ADH1B: variants seen among roughly 807,000 people sequenced by gnomAD.
ADH1B encodes the protein alcohol dehydrogenase 1B (class I), beta polypeptide.
ADH1B carries 29 observed loss-of-function variants against 34.6 expected under a neutral mutation model. The observed-to-expected ratio is 0.84, with a 90% CI of 0.62 to 1.14. The LOEUF is 1.14. ADH1B is among the 50% of genes most tolerant of loss of function. ADH1B has a pLI of 0.00. For synonymous variants in ADH1B, 170 were observed against 175.5 expected (o/e 0.97, Z 0.25); for missense variants, 424 against 468.4 (o/e 0.91, Z 0.87).
chr4:99,315,916 A>C lies in ADH1B; in HGVS notation c.549T>G (p.Ser183=). Residue 183 remains serine, a synonymous_variant, in exon 5 of 9, where the codon TCT becomes TCG. Transcript: ENST00000305046. ...IGCGFSTGYG[S]AVNVAKVTPG... is the part of the protein sequence containing the mutation. The stretch of plus-strand genomic sequence containing the variant: ...TTCTCACCTTGGCAACGTTAACTGC[A>C]GACCCATAACCAGTCGAGAATCCAC... 3 of 1,614,256 alleles carry C rather than the reference A, an allele frequency of 1.9e-6. No homozygotes were observed. The highest frequency in any genetic ancestry group is 2.5e-6 in the Non-Finnish European group (3 of 1,180,042).
At position 99,307,229 on chromosome 4, in the gene ADH1B, T is replaced by C. The variant is rs1450195302; in HGVS notation, c.*611A>G. On this transcript the variant is annotated 3_prime_UTR_variant, in exon 9 of 9. Transcript: ENST00000305046. ...CCATAAAGAAATAGTATAAAAGTCA[T>C]AAAAACACTGCCATTTACTGTAGTA... 6.6e-6 allele frequency: 1 copy of C among 152,444 alleles called. No individual in the cohort carries two copies. The highest frequency in any genetic ancestry group is 6.5e-5 in the Admixed American group (1 of 15,284). 9.4% of individuals were successfully genotyped at this position (152,444 alleles called of 1,614,324 possible). A position where few individuals can be genotyped will look rare whatever the true frequency, so the allele number is the denominator to read the frequency against.
chr4:99,316,223 C>G lies in ADH1B; in HGVS notation c.339G>C (p.Leu113Phe), dbSNP rs1733881659. 1 of 1,614,200 alleles carries G rather than the reference C, an allele frequency of 6.2e-7. No individual in the cohort carries two copies. Among genetic ancestry groups the G allele is most frequent in the East Asian group, 2.2e-5 (1 of 44,884 alleles). The change falls in exon 4 of 9, where the codon TTG becomes TTC. Residue 113 changes from leucine (L) to phenylalanine (F), a missense_variant. This residue lies in a region of ADH1B where 291 missense variants were observed against 300.4 expected (regional missense o/e 0.97). Transcript: ENST00000305046. ...GAGCATCAGAAACCTACTCATTTTT[C>G]AAGCAGTAGTTGCTCTCCGGGTTTT... ...VCKNPESNYC[L>F]KNDLGNPRGT...
chr4:99,318,259 A>C (rs1733938531), intron 2 of ADH1B, 75 bp from the exon 3 acceptor site: 2 of 1,576,216 alleles, frequency 1.3e-6, no homozygotes, highest in Non-Finnish European at 1.7e-6. Context: ...CAAATTCCTG[A>C]AATTGTGTTT....
chr4:99,316,471 C>G, intron 3 of ADH1B, 169 bp from the exon 4 acceptor site: 1 of 786,334 alleles, frequency 1.3e-6, no homozygotes, highest in Non-Finnish European at 2.0e-6. Flanking sequence ...GCATTGTTTT[C>G]AGTTTGAGTT....
intron 2 of ADH1B, 180 bp from the exon 3 acceptor site, chr4:99,318,364 C>T: frequency 1.4e-6 from 1 of 718,386 alleles, no homozygotes; most frequent in Non-Finnish European, 2.2e-6. Flanking sequence ...TAAAGCCCTT[C>T]TCTACCTTCC....
At chr4:99,319,241 T>G (rs1393909836) in intron 1 of ADH1B, 2 of 342,634 alleles carry the variant, frequency 5.8e-6, no homozygotes, top group Non-Finnish European at 1.1e-5. Context: ...AAGTTAGAAG[T>G]CACCTTTATT....
chr4:99,307,907 C>A, intron 8 of ADH1B, 43 bp from the exon 9 acceptor site: 1 of 1,613,252 alleles, frequency 6.2e-7, no homozygotes, highest in African/African-American at 1.3e-5. Flanking sequence ...ATTTAGACAA[C>A]CCACATGCTT....
intron 8 of ADH1B, among the ~76,000 whole-genome samples, chr4:99,308,663 CTCTT>C (rs1305649554): frequency 1.3e-5 from 2 of 151,840 alleles, no homozygotes; most frequent in African/African-American, 4.8e-5. Context: ...GTCTTTGTGA[CTCTT>C]TAATAATTTT....
intron 7 of ADH1B, 99 bp from the exon 8 acceptor site, chr4:99,311,002 C>A: frequency 7.2e-7 from 1 of 1,380,776 alleles, no homozygotes; most frequent in Non-Finnish European, 1.0e-6. Flanking sequence ...AAAGGTGCTC[C>A]ATTCCAGACT....
rs1283500715 is a variant in ADH1B at position 99,305,295 on chromosome 4, T to C, written c.*2545A>G. ...CATTTTAAATATGTTCGTGATATTA[T>C]TGAAGTCACCCCCCCCCACTTTATT... is the stretch of plus-strand genomic sequence containing the variant. On this transcript the variant is annotated 3_prime_UTR_variant, in exon 9 of 9. Transcript: ENST00000305046. The C allele has an allele frequency of 8.2e-6, 1 of 121,702 alleles. No homozygotes were observed. Among genetic ancestry groups the C allele is most frequent in the African/African-American group, 2.8e-5 (1 of 35,770 alleles). The allele number at this position is 121,702 out of a possible 1,614,324, so 7.5% of individuals were successfully genotyped here.
At chr4:99,321,286 T>C in intron 1 of ADH1B, 28 bp downstream of exon 1, 1 of 1,591,620 alleles carries the variant, frequency 6.3e-7, no homozygotes, top group Non-Finnish European at 8.6e-7. Context: ...GAGAATATAT[T>C]ACCAACAGTA....
chr4:99,315,513 T>C (rs1733858768), intron 5 of ADH1B: 2 of 304,812 alleles, frequency 6.6e-6, no homozygotes, highest in African/African-American at 2.2e-5. Flanking sequence ...GACTAGATGG[T>C]CCTCAAGGGC....
rs1733585935 is a variant in ADH1B, at chr4:99,305,534, AACTATATGAACCACTTGCCCCATAGTG to A, written c.*2279_*2305del. 1 of 115,920 alleles carries A rather than the reference AACTATATGAACCACTTGCCCCATAGTG, an allele frequency of 8.6e-6. No homozygotes were observed. Among genetic ancestry groups the A allele is most frequent in the African/African-American group, 3.8e-5 (1 of 26,500 alleles). 7.2% of individuals were successfully genotyped at this position (115,920 alleles called of 1,614,324 possible). ...TATATATATATATATACAATCACTT[AACTATATGAACCACTTGCCCCATAGTG>A]TATATATATATATATATATATATAT... On this transcript the variant is annotated 3_prime_UTR_variant, in exon 9 of 9. Transcript: ENST00000305046.
In ADH1B at chr4:99,313,916, G is replaced by A. The variant is rs748930079; in HGVS notation, c.733C>T (p.Gln245Ter). The change falls in exon 6 of 9, where the codon CAA (glutamine) becomes TAA (stop). Residue 245 changes from glutamine to a stop codon, truncating the protein, a stop_gained. Coordinates refer to ENST00000305046, the MANE Select transcript of ADH1B (RefSeq NM_000668.6). LOFTEE classifies it high-confidence loss of function. ...ELGATECINP[Q>*]DYKKPIQEVL... ...TCCTGAATGGGTTTCTTGTAGTCTT[G>A]AGGGTTGATGCATTCAGTGGCACCC... is the stretch of plus-strand genomic sequence containing the variant. The A allele has an allele frequency of 1.9e-6, 3 of 1,613,984 alleles. No homozygotes were observed. The highest frequency in any genetic ancestry group is 1.7e-6 in the Non-Finnish European group (2 of 1,180,004).
Position 99,305,638 on chromosome 4 carries a change from C to A in ADH1B, c.*2202G>T, listed in dbSNP as rs879195224. The A allele has an allele frequency of 7.5e-6, 1 of 133,616 alleles. No homozygotes were observed. Among genetic ancestry groups the A allele is most frequent in the Non-Finnish European group, 1.6e-5 (1 of 63,870 alleles). 8.3% of individuals were successfully genotyped at this position (133,616 alleles called of 1,614,324 possible). A position where few individuals can be genotyped will look rare whatever the true frequency, so the allele number is the denominator to read the frequency against. ...TCACTTAACTATATGAACCACTTGC[C>A]CCATAGTAAATTTTCTTTTTTCATA... On this transcript the variant is annotated 3_prime_UTR_variant, in exon 9 of 9. Coordinates refer to ENST00000305046, the MANE Select transcript of ADH1B (RefSeq NM_000668.6).
At position 99,305,723 on chromosome 4, in the gene ADH1B, A is replaced by G. The variant is rs553596769; in HGVS notation, c.*2117T>C. The G allele has an allele frequency of 2.0e-5, 3 of 151,214 alleles. No homozygotes were observed. The highest frequency in any genetic ancestry group is 6.6e-5 in the Admixed American group (1 of 15,184). The allele number at this position is 151,214 out of a possible 1,614,324, so 9.4% of individuals were successfully genotyped here. Reference sequence around the variant, plus strand: ...CATCCCATGGAGGACTTGCCACTCTATGACAACACTGGCAGAGCCCACCTA... The same window carrying G: ...CATCCCATGGAGGACTTGCCACTCTGTGACAACACTGGCAGAGCCCACCTA... On this transcript the variant is annotated 3_prime_UTR_variant, in exon 9 of 9. Transcript: ENST00000305046.
intron 1 of ADH1B, chr4:99,320,321 C>A (rs980068719): frequency 2.8e-4 from 43 of 152,298 alleles, no homozygotes; most frequent in African/African-American, 9.4e-4. Context: ...TCATGAGTTA[C>A]TTTACTTAGA....
chr4:99,307,945 G>C, intron 8 of ADH1B, 81 bp from the exon 9 acceptor site: 13 of 1,574,316 alleles, frequency 8.3e-6, no homozygotes, highest in Non-Finnish European at 1.0e-5. Context: ...AGCATCTGAG[G>C]TGTCTTAGTG....
In ADH1B at chr4:99,306,750, C is replaced by A. The variant is rs1206738256; in HGVS notation, c.*1090G>T. 1 of 152,048 alleles carries A rather than the reference C, an allele frequency of 6.6e-6. No homozygotes were observed. Among genetic ancestry groups the A allele is most frequent in the Non-Finnish European group, 1.5e-5 (1 of 68,008 alleles). 9.4% of individuals were successfully genotyped at this position (152,048 alleles called of 1,614,324 possible). ...GTCTTTACATATTCAAAATATTAAA[C>A]TAATGCTAGGATTATAGACTTGATT... On this transcript the variant is annotated 3_prime_UTR_variant, in exon 9 of 9. Transcript: ENST00000305046.
Sources: gnomAD v4.1 joint callset for allele counts (sites outside exome capture counted in the v4.1 genomes callset) on GRCh38, gnomAD v4.1.1 for gene constraint, gnomAD v4.1.1 regional missense constraint, MANE v1.5 for transcripts, NCBI Gene and HGNC (gene_info 2026-07-23, HGNC 2026-07-21) for gene names.